Variants in MAGT1 observed in about 807,000 individuals in gnomAD.
MAGT1 encodes the protein dolichyl-diphosphooligosaccharide--protein glycosyltransferase subunit MAGT1.
Under a neutral mutation model 28.4 loss-of-function variants are expected in MAGT1, and 4 were observed. The ratio of observed to expected loss-of-function variants is 0.14; its 90% CI spans 0.07 to 0.32. MAGT1 has a LOEUF of 0.32. MAGT1 is among the 10% of genes least tolerant of loss of function. The pLI is 1.00. For missense variants in MAGT1, 193 were observed against 264.5 expected (o/e 0.73, Z 1.88); for synonymous variants, 89 against 89.7 (o/e 0.99, Z 0.04).
chrX:77,883,553 CTTTTTTTT>C (rs1166624171), intron 1 of MAGT1, among the ~76,000 whole-genome samples: 1 of 61,710 alleles, frequency 1.6e-5, no homozygotes, highest in African/African-American at 5.9e-5. Flanking sequence ...AATTCATTTT[CTTTTTTTT>C]TTTTTTTTTT....
At chrX:77,864,544 G>T (rs1428766407) in intron 3 of MAGT1, among the ~76,000 whole-genome samples, 1 of 110,426 alleles carries the variant, frequency 9.1e-6, no homozygotes, top group Non-Finnish European at 1.9e-5. Context: ...CCATAAATAT[G>T]TACAAATATT....
rs372142118 is a variant in MAGT1 at position 77,857,386 on chromosome X, G to C, written c.502C>G (p.Arg168Gly). ...VRGFSAEQIA[R>G]WIADRTDVNI... The stretch of plus-strand genomic sequence containing the variant: ...ACATCAGTTCTGTCGGCGATCCACC[G>C]GGCAATCTGCTCAGCTGAAAAACCC... Residue 168 changes from arginine to glycine, a missense_variant, in exon 4 of 10, where the codon CGG becomes GGG. Coordinates refer to ENST00000618282, the MANE Select transcript of MAGT1 (RefSeq NM_001367916.1). 1.7e-6 allele frequency: 2 copies of C among 1,209,619 alleles called. No homozygotes were observed. Among genetic ancestry groups the C allele is most frequent in the East Asian group, 3.0e-5 (1 of 33,778 alleles).
At chrX:77,886,385 A>G (rs1199751833) in intron 1 of MAGT1, among the ~76,000 whole-genome samples, 1 of 110,746 alleles carries the variant, frequency 9.0e-6, no homozygotes, top group Non-Finnish European at 1.9e-5. Flanking sequence ...TCATGCCTGT[A>G]ACCCCAGCAC....
intron 7 of MAGT1, among the ~76,000 whole-genome samples, chrX:77,847,476 C>T (rs988516164): frequency 1.1e-4 from 12 of 112,292 alleles, no homozygotes; most frequent in African/African-American, 3.9e-4. Context: ...GTGAGATGAA[C>T]CCAGTACCTC....
chrX:77,886,492 T>C (rs1557219023), intron 1 of MAGT1, among the ~76,000 whole-genome samples: 2 of 109,917 alleles, frequency 1.8e-5, no homozygotes, highest in East Asian at 5.7e-4. Flanking sequence ...AAATGCAGAC[T>C]TCTGGCCAGG....
chrX:77,895,003 G>C (rs922996371), intron 1 of MAGT1, among the ~76,000 whole-genome samples: 1 of 110,886 alleles, frequency 9.0e-6, no homozygotes, highest in African/African-American at 3.3e-5. Flanking sequence ...ATCTAAAGTC[G>C]AACTCCCCAC....
chrX:77,878,938 C>T, intron 1 of MAGT1, among the ~76,000 whole-genome samples: 1 of 111,699 alleles, frequency 9.0e-6, no homozygotes, highest in Non-Finnish European at 1.9e-5. Flanking sequence ...AGAGTTTGTT[C>T]CTTTTTGGCT....
intron 1 of MAGT1, among the ~76,000 whole-genome samples, chrX:77,878,890 T>C (rs1557218157): frequency 2.7e-5 from 3 of 110,950 alleles, no homozygotes; most frequent in Admixed American, 9.7e-5. Context: ...ATTTGTCCTA[T>C]AGAAATGAAA....
chrX:77,862,938 G>A (rs782385091), intron 3 of MAGT1, among the ~76,000 whole-genome samples: 2 of 110,988 alleles, frequency 1.8e-5, no homozygotes, highest in East Asian at 5.6e-4. Context: ...AGGCCGAGGC[G>A]GGTGGATCAC....
intron 3 of MAGT1, among the ~76,000 whole-genome samples, chrX:77,861,955 G>C (rs1297077244): frequency 9.0e-6 from 1 of 111,297 alleles, no homozygotes; most frequent in African/African-American, 3.3e-5. Flanking sequence ...GAAGATGAAA[G>C]AATTCTGGAG....
intron 7 of MAGT1, among the ~76,000 whole-genome samples, chrX:77,845,370 C>T (rs782299959): frequency 4.3e-4 from 48 of 111,639 alleles, no homozygotes; most frequent in Non-Finnish European, 7.5e-4. Flanking sequence ...ATACAGCACA[C>T]TGATGGGTCT....
intron 1 of MAGT1, among the ~76,000 whole-genome samples, chrX:77,894,306 C>T (rs782721291): frequency 8.4e-4 from 94 of 112,115 alleles, no homozygotes; most frequent in Non-Finnish European, 4.3e-4. Context: ...AGTTTAACTT[C>T]CTAGCTTAGT....
At chrX:77,837,560 G>A (rs186677031) in intron 8 of MAGT1, among the ~76,000 whole-genome samples, 2 of 110,586 alleles carry the variant, frequency 1.8e-5, no homozygotes, top group African/African-American at 6.6e-5. Context: ...TCCTGTCCCA[G>A]CCTCACAAGT....
chrX:77,843,699 T>C (rs1948357384), intron 7 of MAGT1, among the ~76,000 whole-genome samples: 1 of 111,948 alleles, frequency 8.9e-6, no homozygotes, highest in Non-Finnish European at 1.9e-5. Context: ...TTTTTATTTA[T>C]TATACTTTAA....
chrX:77,844,917 T>G (rs1372244512), intron 7 of MAGT1, among the ~76,000 whole-genome samples: 1 of 111,829 alleles, frequency 8.9e-6, no homozygotes, highest in Non-Finnish European at 1.9e-5. Flanking sequence ...GAATGTATAT[T>G]CTGTTGATTT....
chrX:77,876,162 ATATTTTTTTTT>A (rs1383901936), intron 1 of MAGT1, among the ~76,000 whole-genome samples: 6 of 37,967 alleles, frequency 1.6e-4, no homozygotes, highest in African/African-American at 6.7e-4. Context: ...ATATATATAT[ATATTTTTTTTT>A]TTTTTTTTTT....
intron 7 of MAGT1, among the ~76,000 whole-genome samples, chrX:77,846,591 T>C (rs1423153971): frequency 1.8e-5 from 2 of 112,151 alleles, no homozygotes; most frequent in African/African-American, 6.5e-5. Context: ...TTGATGATGG[T>C]GACATACAGA....
chrX:77,866,845 C>T (rs2077009731), intron 3 of MAGT1, among the ~76,000 whole-genome samples: 1 of 66,096 alleles, frequency 1.5e-5, no homozygotes, highest in Non-Finnish European at 4.1e-5. Flanking sequence ...CTAATATCAT[C>T]GCTTGAGATA....
chrX:77,884,262 C>T (rs1557218784), intron 1 of MAGT1, among the ~76,000 whole-genome samples: 1 of 111,744 alleles, frequency 8.9e-6, no homozygotes, highest in Non-Finnish European at 1.9e-5. Context: ...TAATTAGATG[C>T]TATAATCCTT....
Sources: allele counts gnomAD v4.1 joint callset (sites outside exome capture counted in the v4.1 genomes callset), GRCh38; gene constraint gnomAD v4.1.1; transcripts MANE v1.5; gene names NCBI Gene and HGNC (gene_info 2026-07-23, HGNC 2026-07-21).